The following CNOT8 variants were observed in gnomAD, a reference collection of about 807,000 sequenced individuals.
CNOT8 encodes the protein CAF1-like protein.
In CNOT8, 18 loss-of-function variants were observed where a neutral mutation model predicts 34.6. The observed-to-expected ratio is 0.52, with a 90% CI of 0.36 to 0.77. CNOT8 has a LOEUF of 0.77. Among genes scored for constraint, CNOT8 ranks in the 30% least tolerant of loss-of-function variants. The probability of loss-of-function intolerance (pLI) is 0.00; values close to 1 mark genes in which losing one functional copy is unlikely to be tolerated. For missense variants in CNOT8, 189 were observed against 347.9 expected (o/e 0.54, Z 3.63); for synonymous variants, 101 against 118.8 (o/e 0.85, Z 0.98).
rs1050013154 is a variant in CNOT8, at chr5:154,875,491, C to T, written c.*52C>T. ...TGATCCCAGAGTGGTGCTTACTGTGCTGACTGTGTACTTATCTTCCCCAAG... is the reference window on the plus strand; with the variant it reads ...TGATCCCAGAGTGGTGCTTACTGTGTTGACTGTGTACTTATCTTCCCCAAG... On this transcript the variant is annotated 3_prime_UTR_variant, in exon 7 of 7. Transcript: ENST00000285896. 2 of 1,594,912 alleles carry T rather than the reference C, an allele frequency of 1.3e-6. No individual in the cohort carries two copies. The highest frequency in any genetic ancestry group is 1.3e-5 in the African/African-American group (1 of 74,656).
At chr5:154,862,592 A>ATCTAAAGAGGCACTGGTATG (rs1403490027) in intron 1 of CNOT8, among the ~76,000 whole-genome samples, 3 of 152,224 alleles carry the variant, frequency 2.0e-5, no homozygotes, top group African/African-American at 2.4e-5. Context: ...GTTTGCACAA[A>ATCTAAAGAGGCACTGGTATG]TCTAAAGAGG....
intron 3 of CNOT8, chr5:154,867,736 C>A: frequency 4.0e-6 from 1 of 249,270 alleles, no homozygotes; most frequent in Non-Finnish European, 8.2e-6. Context: ...GTTGCTTGAG[C>A]TAAAAGACAT....
At chr5:154,868,927 T>G (rs1205399144) in intron 3 of CNOT8, among the ~76,000 whole-genome samples, 1 of 152,084 alleles carries the variant, frequency 6.6e-6, no homozygotes, top group East Asian at 1.9e-4. Context: ...AGCCTCTGGG[T>G]CTTTTGCTCA....
chr5:154,865,256 A>G lies in CNOT8; in HGVS notation c.182A>G (p.Gln61Arg), dbSNP rs1299741112. 6.2e-7 allele frequency: 1 copy of G among 1,612,070 alleles called. No homozygotes were observed. The highest frequency in any genetic ancestry group is 8.5e-7 in the Non-Finnish European group (1 of 1,179,634). The change falls in exon 3 of 7, where the codon CAA becomes CGA. Residue 61 changes from glutamine to arginine, a missense_variant. Gln to Arg is a conservative substitution (Grantham distance 43, BLOSUM62 1). Transcript: ENST00000285896. ...IGEFRSSIDY[Q>R]YQLLRCNVDL... Reference sequence around the variant, plus strand: ...GAATTTCGTAGTTCCATAGATTACCAATATCAGCTTCTGCGGTGCAATGTT... The same window carrying G: ...GAATTTCGTAGTTCCATAGATTACCGATATCAGCTTCTGCGGTGCAATGTT...
At chr5:154,874,832 C>T (rs1297123267) in intron 6 of CNOT8, among the ~76,000 whole-genome samples, 8 of 152,086 alleles carry the variant, frequency 5.3e-5, no homozygotes, top group South Asian at 2.1e-4. Context: ...TGTGCCTGGC[C>T]GAGCCTTTCT....
At chr5:154,869,390 A>AGGCGTGGGG (rs1762235510) in intron 3 of CNOT8, among the ~76,000 whole-genome samples, 1 of 145,850 alleles carries the variant, frequency 6.9e-6, no homozygotes, top group African/African-American at 2.5e-5. Context: ...AAGTGCTGGG[A>AGGCGTGGGG]TTACAGGCGT....
In CNOT8 at chr5:154,870,804, A is replaced by G; in HGVS notation, c.455A>G (p.Lys152Arg). ...TSGVVLCDNV[K>R]WLSFHSGYDF... ...GGAGTGGTTCTCTGTGACAATGTCA[A>G]ATGGCTTTCATTTCATAGGTCAGTC... Residue 152 changes from lysine to arginine, a missense_variant, in exon 4 of 7, where the codon AAA becomes AGA. By Grantham distance (26) the Lys-to-Arg change is conservative. Around this residue, in one of 2 missense-constraint regions of CNOT8, gnomAD observed 160 missense variants for 321.9 expected, o/e 0.50. Transcript: ENST00000285896. 2 of 1,613,718 alleles carry G rather than the reference A, an allele frequency of 1.2e-6. No homozygotes were observed. Among genetic ancestry groups the G allele is most frequent in the South Asian group, 1.1e-5 (1 of 90,984 alleles).
At chr5:154,870,593 G>A in intron 3 of CNOT8, 68 bp from the exon 4 acceptor site, 1 of 1,193,066 alleles carries the variant, frequency 8.4e-7, no homozygotes, top group Non-Finnish European at 1.2e-6. Flanking sequence ...ATAAGGTGGT[G>A]GTAATAGTGT....
At chr5:154,873,336 A>G (rs929452593) in intron 6 of CNOT8, among the ~76,000 whole-genome samples, 17 of 152,352 alleles carry the variant, frequency 1.1e-4, no homozygotes, top group South Asian at 6.2e-4. Flanking sequence ...CCAGTAACCA[A>G]GTATTCTTGA....
intron 3 of CNOT8, 28 bp downstream of exon 3, chr5:154,865,413 AT>A: frequency 6.5e-7 from 1 of 1,536,292 alleles, no homozygotes. Flanking sequence ...AAATGCGTTA[AT>A]TTTAAGTTTT....
At chr5:154,861,286 G>A (rs1761311556) in intron 1 of CNOT8, among the ~76,000 whole-genome samples, 1 of 152,140 alleles carries the variant, frequency 6.6e-6, no homozygotes, top group Admixed American at 6.5e-5. Flanking sequence ...AACAAGAGAA[G>A]AAATTTATTC....
intron 2 of CNOT8, among the ~76,000 whole-genome samples, chr5:154,864,858 G>A (rs577909411): frequency 6.6e-6 from 1 of 152,228 alleles, no homozygotes; most frequent in Admixed American, 6.5e-5. Flanking sequence ...TGGGCAACAT[G>A]GTGAAACCCC....
At chr5:154,865,081 G>T (rs1380223346) in intron 2 of CNOT8, 111 bp from the exon 3 acceptor site, 1 of 932,152 alleles carries the variant, frequency 1.1e-6, no homozygotes, top group African/African-American at 1.7e-5. Flanking sequence ...CCCAAGTTTG[G>T]GGCTTGCCAC....
chr5:154,866,115 T>G (rs375749264), intron 3 of CNOT8, among the ~76,000 whole-genome samples: 1 of 152,208 alleles, frequency 6.6e-6, no homozygotes, highest in Non-Finnish European at 1.5e-5. Flanking sequence ...TCCTATTGTA[T>G]CCTGCTTTGT....
chr5:154,861,147 G>T (rs1020008476), intron 1 of CNOT8, among the ~76,000 whole-genome samples: 1 of 152,174 alleles, frequency 6.6e-6, no homozygotes, highest in Non-Finnish European at 1.5e-5. Context: ...GCAAGTTTAG[G>T]AATCTAAAAT....
At chr5:154,867,981 G>T (rs1218247252) in intron 3 of CNOT8, among the ~76,000 whole-genome samples, 1 of 152,104 alleles carries the variant, frequency 6.6e-6, no homozygotes, top group Non-Finnish European at 1.5e-5. Context: ...CTGTCACCCA[G>T]GCTGGAGTGC....
intron 2 of CNOT8, among the ~76,000 whole-genome samples, 162 bp downstream of exon 2, chr5:154,863,557 G>A (rs1761562273): frequency 6.6e-6 from 1 of 152,126 alleles, no homozygotes; most frequent in Non-Finnish European, 1.5e-5. Context: ...ACCTTTCCAG[G>A]TTGCTGGGAC....
Position 154,865,373 on chromosome 5 carries a change from A to G in CNOT8, c.299A>G (p.Lys100Arg), listed in dbSNP as rs1761767456. The G allele has an allele frequency of 1.3e-6, 2 of 1,578,292 alleles. No individual in the cohort carries two copies. Among genetic ancestry groups the G allele is most frequent in the African/African-American group, 1.4e-5 (1 of 72,616 alleles). ...ATCAATACTTGGCAGTTCAATTTCAAATTTAACCTTACGTAAGTGATTTCT... is the reference window on the plus strand; with the variant it reads ...ATCAATACTTGGCAGTTCAATTTCAGATTTAACCTTACGTAAGTGATTTCT... The part of the protein sequence containing the change: ...SGINTWQFNF[K>R]FNLTEDMYSQ... The change falls in exon 3 of 7, where the codon AAA (lysine) becomes AGA (arginine). Residue 100 changes from lysine to arginine, a missense_variant. Around this residue, in one of 2 missense-constraint regions of CNOT8, gnomAD observed 160 missense variants for 321.9 expected, o/e 0.50. Transcript: ENST00000285896.
intron 6 of CNOT8, among the ~76,000 whole-genome samples, chr5:154,873,885 T>G (rs933295768): frequency 1.3e-5 from 2 of 151,830 alleles, no homozygotes; most frequent in Non-Finnish European, 2.9e-5. Flanking sequence ...TGGGGGAGAG[T>G]GGTGTGCTAC....
Sources: allele counts gnomAD v4.1 joint callset (sites outside exome capture counted in the v4.1 genomes callset), GRCh38; gene constraint gnomAD v4.1.1; regional missense constraint gnomAD v4.1.1; transcripts MANE v1.5; gene names NCBI Gene and HGNC (gene_info 2026-07-23, HGNC 2026-07-21).